The following MIER2 variants were observed in gnomAD, a reference collection of about 807,000 sequenced individuals.
MIER2 encodes the protein mesoderm induction early response protein 2.
A neutral mutation model predicts 67.6 loss-of-function variants in MIER2; 30 were observed. The ratio of observed to expected loss-of-function variants is 0.44; its 90% confidence interval spans 0.33 to 0.60. The LOEUF (loss-of-function observed/expected upper bound fraction) is 0.60. MIER2 is among the 20% of genes least tolerant of loss of function. The pLI, the probability that MIER2 is intolerant of heterozygous loss-of-function variation, is 0.02. For missense variants in MIER2, 702 were observed against 745.1 expected (o/e 0.94, Z 0.67); for synonymous variants, 372 against 312.6 (o/e 1.19, Z -2.00).
intron 7 of MIER2, among the ~76,000 whole-genome samples, chr19:314,793 C>T (rs559078171): frequency 1.3e-5 from 2 of 152,086 alleles, no homozygotes; most frequent in South Asian, 2.1e-4. Context: ...TGGGAAAACA[C>T]GAGGGAAAAA....
At chr19:323,879 CACA>C (rs1971608175) in intron 7 of MIER2, among the ~76,000 whole-genome samples, 1 of 150,270 alleles carries the variant, frequency 6.7e-6, no homozygotes, top group Non-Finnish European at 1.5e-5. Flanking sequence ...CAATGCAATA[CACA>C]AGACACACAC....
At chr19:343,936 A>G in intron 1 of MIER2, 2 of 985,462 alleles carry the variant, frequency 2.0e-6, no homozygotes, top group Non-Finnish European at 2.4e-6. Context: ...TTGACCTGAC[A>G]CGAAGCTATC....
In MIER2 at chr19:327,284, A is replaced by G. The variant is rs954780112; in HGVS notation, c.370-28T>C. The G allele has an allele frequency of 3.2e-6, 5 of 1,567,396 alleles. No homozygotes were observed. The Admixed American group carries it at 8.2e-5, about 26-fold the overall frequency. ...TTAAAAAAAAAAAAAAAAGTAAAGA[A>G]CATTTTACAGTTTAACAATCTCGCA... On this transcript the variant is annotated intron_variant, in intron 4 of 13. Transcript: ENST00000264819.
rs542921279 is a variant in MIER2 at position 336,763 on chromosome 19, T to G, written c.10-590A>C. On this transcript the variant is annotated intron_variant, in intron 1 of 13. Transcript: ENST00000264819. ...AATTATAAACTTTAAAATGGGCATA[T>G]TTTATGGTTTGTCAATTACAATTTT... Among the ~76,000 whole-genome samples the G allele has an allele frequency of 3.3e-5, 5 of 152,328 alleles. No individual in the cohort carries two copies. The South Asian group carries it at 1.0e-3, about 32-fold the overall frequency.
At position 307,477 on chromosome 19, in the gene MIER2, C is replaced by T. The variant is rs1261289968; in HGVS notation, c.1258G>A (p.Gly420Arg). The change falls in exon 13 of 14, where the codon GGA (glycine) becomes AGA (arginine). Residue 420 changes from glycine to arginine, a missense_variant. This residue lies in a region of MIER2 where 254 missense variants were observed against 262.8 expected (regional missense o/e 0.97). Transcript: ENST00000264819. ...GGCCCTGGCTCCGAGGACGGGAGTC[C>T]ATCAGAGGCCACTCCGGGCTCATCG... is the stretch of plus-strand genomic sequence containing the variant. The part of the protein sequence containing the change: ...GLDEPGVASD[G>R]LPSSEPGPCS... 2 of 1,548,406 alleles carry T rather than the reference C, an allele frequency of 1.3e-6. No homozygotes were observed. The highest frequency in any genetic ancestry group is 8.7e-7 in the Non-Finnish European group (1 of 1,150,572).
At chr19:325,518 G>T in intron 7 of MIER2, 117 bp downstream of exon 7, 2 of 1,172,924 alleles carry the variant, frequency 1.7e-6, no homozygotes, top group East Asian at 2.4e-5. Flanking sequence ...AGGCTCAGCT[G>T]CCCCAGTGAG....
chr19:341,161 T>C lies in MIER2; in HGVS notation c.9+3613A>G, dbSNP rs369812842. 7.6e-4 allele frequency among the ~76,000 whole-genome samples: 115 copies of C among 152,234 alleles called. 3 individuals are homozygous for C. In the East Asian group the frequency reaches 0.015, roughly 20 times the overall value. On this transcript the variant is annotated intron_variant, in intron 1 of 13. Coordinates refer to ENST00000264819, the MANE Select transcript of MIER2 (RefSeq NM_017550.3). Reference sequence around the variant, plus strand: ...CCTCTGGGTAGGGGTCGAGGACAGGTTCTCTGGGCAACGGTTCCTGCCTCA... The same window carrying C: ...CCTCTGGGTAGGGGTCGAGGACAGGCTCTCTGGGCAACGGTTCCTGCCTCA...
At position 344,754 on chromosome 19, in the gene MIER2, C is replaced by G; in HGVS notation, c.9+20G>C. The G allele has an allele frequency of 1.7e-6, 2 of 1,174,498 alleles. No homozygotes were observed. The highest frequency in any genetic ancestry group is 2.1e-6 in the Non-Finnish European group (2 of 950,422). The allele number at this position is 1,174,498 out of a possible 1,614,324, so 72.8% of individuals were successfully genotyped here. A position where few individuals can be genotyped will look rare whatever the true frequency, so the allele number is the denominator to read the frequency against. On this transcript the variant is annotated intron_variant, in intron 1 of 13. Transcript: ENST00000264819. ...GACGCGCGGGGGCGGGGGGCCGGCT[C>G]CCCCGGCCCGCTCACTCACCTCCGC...
chr19:339,397 G>A lies in MIER2; in HGVS notation c.10-3224C>T, dbSNP rs138008596. Among the ~76,000 whole-genome samples the A allele has an allele frequency of 1.2e-4, 19 of 152,210 alleles. No homozygotes were observed. In the East Asian group the frequency reaches 2.3e-3, roughly 19 times the overall value. ...CAAAAGCAAGCAAAGTCCACACTAC[G>A]ATACCACTTCCTAATCAGAGAATAA... On this transcript the variant is annotated intron_variant, in intron 1 of 13. Transcript: ENST00000264819.
At chr19:333,431 A>G (rs2145517031) in intron 3 of MIER2, among the ~76,000 whole-genome samples, 1 of 48,676 alleles carries the variant, frequency 2.1e-5, no homozygotes, top group East Asian at 8.5e-4. Context: ...CATCCGGCCA[A>G]TTTACATGTC....
chr19:312,019 CA>C lies in MIER2; in HGVS notation c.890-81del. ...GAAGGAAGGCCCAGGCCGGGGAGAA[CA>C]GTCAGCGGCGCCCAGGGCGGGGCCG... On this transcript the variant is annotated intron_variant, in intron 9 of 13. Coordinates refer to ENST00000264819, the MANE Select transcript of MIER2 (RefSeq NM_017550.3). The C allele has an allele frequency of 3.5e-6, 4 of 1,134,384 alleles. 1 individual carries two copies. Among genetic ancestry groups the C allele is most frequent in the East Asian group, 1.2e-4 (2 of 16,968 alleles). The allele number at this position is 1,134,384 out of a possible 1,614,324, so 70.3% of individuals were successfully genotyped here.
intron 13 of MIER2, 124 bp downstream of exon 13, chr19:306,985 GAGAGCCTGCT>G: frequency 1.8e-6 from 2 of 1,106,736 alleles, no homozygotes; most frequent in Non-Finnish European, 2.5e-6. Flanking sequence ...AAGACACACT[GAGAGCCTGCT>G]CGTGGAGCCA....
chr19:313,879 C>G (rs1203849015), intron 7 of MIER2, among the ~76,000 whole-genome samples: 1 of 152,186 alleles, frequency 6.6e-6, no homozygotes, highest in Non-Finnish European at 1.5e-5. Context: ...GGCCTGTATC[C>G]CAACGACCAA....
rs1296836564 is a variant in MIER2 at position 305,890 on chromosome 19, C to T, written c.*800G>A. ...GGGGAAACAGGCTGGAGTCTGGCCC[C>T]TGCGTGGCCAGCAGGGCCGGCTCCT... On this transcript the variant is annotated 3_prime_UTR_variant, in exon 14 of 14. Coordinates refer to ENST00000264819, the MANE Select transcript of MIER2 (RefSeq NM_017550.3). 1 of 152,426 alleles carries T rather than the reference C, an allele frequency of 6.6e-6. No homozygotes were observed. Among genetic ancestry groups the T allele is most frequent in the Admixed American group, 6.5e-5 (1 of 15,306 alleles). The allele number at this position is 152,426 out of a possible 1,614,324, so 9.4% of individuals were successfully genotyped here. A position where few individuals can be genotyped will look rare whatever the true frequency, so the allele number is the denominator to read the frequency against.
rs755222356 is a variant in MIER2 at position 334,551 on chromosome 19, A to G, written c.101-9T>C. 1.2e-6 allele frequency: 2 copies of G among 1,613,030 alleles called. No homozygotes were observed. Among genetic ancestry groups the G allele is most frequent in the Non-Finnish European group, 1.7e-6 (2 of 1,179,778 alleles). ...AGAGCCCATGGACACCACTGGGGAG[A>G]AGAGAGCAGCCCAGGTGAGCACCGT... is the stretch of plus-strand genomic sequence containing the variant. On this transcript the variant is annotated splice_polypyrimidine_tract_variant and intron_variant, in intron 2 of 13. Coordinates refer to ENST00000264819, the MANE Select transcript of MIER2 (RefSeq NM_017550.3).
intron 1 of MIER2, among the ~76,000 whole-genome samples, chr19:338,104 A>G (rs1282801842): frequency 2.3e-5 from 3 of 128,752 alleles, no homozygotes; most frequent in African/African-American, 2.9e-5. Flanking sequence ...CCCAGGAGGC[A>G]GAGGTTGCAG....
At chr19:338,703 C>A (rs1460866239) in intron 1 of MIER2, among the ~76,000 whole-genome samples, 1 of 152,184 alleles carries the variant, frequency 6.6e-6, no homozygotes, top group Non-Finnish European at 1.5e-5. Flanking sequence ...GCCATAAGGA[C>A]AGCACAAAGA....
chr19:318,077 G>A (rs532938153), intron 7 of MIER2, among the ~76,000 whole-genome samples: 10 of 152,234 alleles, frequency 6.6e-5, no homozygotes, highest in Admixed American at 3.3e-4. Context: ...GGTGGCGGAC[G>A]CCTGTAATTG....
intron 7 of MIER2, among the ~76,000 whole-genome samples, chr19:318,620 CA>C (rs1971361599): frequency 6.6e-6 from 1 of 152,176 alleles, no homozygotes; most frequent in African/African-American, 2.4e-5. Context: ...TTCCACCCAA[CA>C]ACAGCACAGC....
Sources: allele counts gnomAD v4.1 joint callset (sites outside exome capture counted in the v4.1 genomes callset), GRCh38; gene constraint gnomAD v4.1.1; regional missense constraint gnomAD v4.1.1; transcripts MANE v1.5; gene names NCBI Gene and HGNC (gene_info 2026-07-23, HGNC 2026-07-21).